The following RYR3 variants were observed in gnomAD, a reference collection of about 807,000 sequenced individuals.
RYR3 encodes brain ryanodine receptor-calcium release channel.
A neutral mutation model predicts 584.3 loss-of-function variants in RYR3; 207 were observed. That is an observed-to-expected ratio of 0.35 (90% CI 0.32 to 0.40). The LOEUF (loss-of-function observed/expected upper bound fraction) is 0.40, where lower values mean the gene tolerates loss of function less well. Ranked by LOEUF, RYR3 falls within the 10% of genes least tolerant of loss-of-function variation. The pLI is 1.00. For synonymous variants in RYR3, 2,416 were observed against 2,248.5 expected (o/e 1.07, Z -2.11); for missense variants, 5,616 against 6,089.2 (o/e 0.92, Z 2.59).
chr15:33,318,343 A>G lies in RYR3; in HGVS notation c.51+7247A>G, dbSNP rs117201835. ...GTGACCCTTGCAGATACCCAGAAGG[A>G]TGTCTTTCTCCTTGGTCTGTCTTTG... is the stretch of plus-strand genomic sequence containing the variant. On this transcript the variant is annotated intron_variant, in intron 1 of 103. Transcript: ENST00000634891. 3.5e-3 allele frequency among the ~76,000 whole-genome samples: 537 copies of G among 152,358 alleles called. 1 individual carries two copies. The highest frequency in any genetic ancestry group is 5.5e-3 in the Non-Finnish European group (376 of 68,040).
chr15:33,477,253 G>C (rs1307987427), intron 2 of RYR3, among the ~76,000 whole-genome samples: 1 of 152,088 alleles, frequency 6.6e-6, no homozygotes, highest in Non-Finnish European at 1.5e-5. Flanking sequence ...CTATGGAGAA[G>C]AAAGACCTCA....
intron 1 of RYR3, among the ~76,000 whole-genome samples, chr15:33,418,057 C>T (rs541805737): frequency 3.5e-4 from 53 of 152,120 alleles, no homozygotes; most frequent in Admixed American, 6.6e-4. Flanking sequence ...CAGTGTGCTG[C>T]TGGATTCAGT....
At chr15:33,706,139 A>C (rs888004292) in intron 42 of RYR3, among the ~76,000 whole-genome samples, 14 of 147,974 alleles carry the variant, frequency 9.5e-5, no homozygotes, top group Admixed American at 2.0e-4. Context: ...GCTATCTTAT[A>C]AAAAAAAAAA....
intron 43 of RYR3, among the ~76,000 whole-genome samples, chr15:33,721,765 G>C (rs1430979114): frequency 6.6e-6 from 1 of 152,074 alleles, no homozygotes; most frequent in Non-Finnish European, 1.5e-5. Context: ...ATCTGAGACA[G>C]AGTTTTTTTT....
intron 16 of RYR3, among the ~76,000 whole-genome samples, chr15:33,590,463 T>C (rs13329083): frequency 0.17 from 25,784 of 152,086 alleles, 3,036 homozygotes; most frequent in East Asian, 0.64. Context: ...TTGATAGGGA[T>C]TGTATTGAAT....
Position 33,643,845 on chromosome 15 carries a change from A to G in RYR3, c.3557-466A>G, listed in dbSNP as rs191168015. ...TACAGTGCAGCAAGATAACATATTC[A>G]TCATCTCACATAGTTACCCATCTTT... On this transcript the variant is annotated intron_variant, in intron 27 of 103. Coordinates refer to ENST00000634891, the MANE Select transcript of RYR3 (RefSeq NM_001036.6). Among the ~76,000 whole-genome samples, 308 of 152,340 alleles carry G rather than the reference A, an allele frequency of 2.0e-3. 4 individuals are homozygous for G. The highest frequency in any genetic ancestry group is 7.1e-3 in the African/African-American group (296 of 41,588).
chr15:33,581,110 A>C (rs920865811), intron 13 of RYR3, among the ~76,000 whole-genome samples: 2 of 152,072 alleles, frequency 1.3e-5, no homozygotes, highest in Non-Finnish European at 2.9e-5. Flanking sequence ...ACTTGAACTT[A>C]CTTGATATTT....
intron 12 of RYR3, among the ~76,000 whole-genome samples, chr15:33,571,702 T>C (rs994145472): frequency 1.3e-5 from 2 of 152,222 alleles, no homozygotes; most frequent in Admixed American, 1.3e-4. Context: ...GAATATAAAG[T>C]GTGTCCCTTG....
chr15:33,824,528 A>G (rs2077275586), intron 81 of RYR3, among the ~76,000 whole-genome samples: 1 of 152,218 alleles, frequency 6.6e-6, no homozygotes, highest in Admixed American at 6.5e-5. Flanking sequence ...CCAAAGTAGA[A>G]GGATAGTTTT....
chr15:33,442,121 C>T (rs573703280), intron 1 of RYR3, among the ~76,000 whole-genome samples: 5 of 152,198 alleles, frequency 3.3e-5, no homozygotes, highest in South Asian at 2.1e-4. Context: ...GTGTGCCAAG[C>T]AAATAAAAAC....
chr15:33,532,487 A>G (rs1353491353), intron 4 of RYR3, among the ~76,000 whole-genome samples: 1 of 152,116 alleles, frequency 6.6e-6, no homozygotes, highest in Non-Finnish European at 1.5e-5. Flanking sequence ...GTTGCTACAC[A>G]TTTAAATTTT....
chr15:33,794,810 A>C (rs932274697), intron 67 of RYR3, among the ~76,000 whole-genome samples: 4 of 152,122 alleles, frequency 2.6e-5, no homozygotes, highest in Non-Finnish European at 2.9e-5. Flanking sequence ...GCTGGCTTTG[A>C]ATTATGGAAT....
Position 33,662,495 on chromosome 15 carries a change from G to A in RYR3, c.4965G>A (p.Val1655=). Residue 1655 remains valine, a synonymous_variant, in exon 35 of 104, where the codon GTG becomes GTA. Transcript: ENST00000634891. ...CCAAGAGGCATGGACTGCCTGGGGT[G>A]GGCCTGAGAACATGTCTCAAGCCCG... ...DESKRHGLPG[V]GLRTCLKPGF... 6.2e-7 allele frequency: 1 copy of A among 1,614,036 alleles called. No individual in the cohort carries two copies.
In RYR3 at chr15:33,402,983, T is replaced by C. The variant is rs151244857; in HGVS notation, c.52-70436T>C. Among the ~76,000 whole-genome samples the C allele has an allele frequency of 4.4e-3, 663 of 152,342 alleles. 6 individuals are homozygous for C. The highest frequency in any genetic ancestry group is 0.015 in the African/African-American group (632 of 41,580). ...CACAACCCTGCTATGAGCAACCAAGTCCAGCATCAAATGGCTAGAGACATA... is the reference window on the plus strand; with the variant it reads ...CACAACCCTGCTATGAGCAACCAAGCCCAGCATCAAATGGCTAGAGACATA... On this transcript the variant is annotated intron_variant, in intron 1 of 103. Transcript: ENST00000634891.
chr15:33,608,024 T>C (rs980046819), intron 18 of RYR3, among the ~76,000 whole-genome samples: 7 of 152,224 alleles, frequency 4.6e-5, no homozygotes, highest in African/African-American at 1.7e-4. Context: ...GCCCAGGCAG[T>C]CTGGTTCCAG....
chr15:33,574,503 C>T (rs1317477550), intron 12 of RYR3, among the ~76,000 whole-genome samples: 2 of 152,108 alleles, frequency 1.3e-5, no homozygotes, highest in Non-Finnish European at 2.9e-5. Flanking sequence ...TAACTGAGAA[C>T]TTACAATGTG....
chr15:33,397,816 C>A (rs746530229), intron 1 of RYR3, among the ~76,000 whole-genome samples: 2 of 151,988 alleles, frequency 1.3e-5, no homozygotes, highest in Non-Finnish European at 2.9e-5. Context: ...GTCAGTCTTA[C>A]GATCTCTATT....
chr15:33,375,236 G>A (rs150009610), intron 1 of RYR3, among the ~76,000 whole-genome samples: 1 of 150,332 alleles, frequency 6.7e-6, no homozygotes, highest in African/African-American at 2.4e-5. Flanking sequence ...ATAATACAAA[G>A]CGCTTAGGAC....
chr15:33,730,847 T>C (rs2068885074), intron 47 of RYR3, among the ~76,000 whole-genome samples: 1 of 152,236 alleles, frequency 6.6e-6, no homozygotes, highest in South Asian at 2.1e-4. Flanking sequence ...TCTGTTCCTT[T>C]TCCACGTTGC....
Sources: allele counts gnomAD v4.1 joint callset (sites outside exome capture counted in the v4.1 genomes callset), GRCh38; gene constraint gnomAD v4.1.1; transcripts MANE v1.5; gene names NCBI Gene and HGNC (gene_info 2026-07-23, HGNC 2026-07-21).